Variants in CLIC5 observed in about 807,000 individuals in gnomAD.
CLIC5 encodes the protein chloride intracellular channel protein 5.
Under a neutral mutation model 24.7 loss-of-function variants are expected in CLIC5, and 20 were observed. That is an observed-to-expected ratio of 0.81 (90% confidence interval 0.57 to 1.18). The LOEUF (loss-of-function observed/expected upper bound fraction) is 1.18, where lower values mean the gene tolerates loss of function less well. Among genes scored for constraint, CLIC5 ranks in the 50% most tolerant of loss-of-function variants. CLIC5 has a pLI of 0.00. For synonymous variants in CLIC5, 159 were observed against 135.6 expected (o/e 1.17, Z -1.20); for missense variants, 341 against 326.1 (o/e 1.05, Z -0.35).
At chr6:46,041,009 A>G (rs542287133) in intron 1 of CLIC5, among the ~76,000 whole-genome samples, 8 of 152,354 alleles carry the variant, frequency 5.3e-5, no homozygotes, top group Non-Finnish European at 1.0e-4. Flanking sequence ...TGTTATTTAT[A>G]ACTGGGAACA....
chr6:45,904,828 T>G (rs1762613024), intron 5 of CLIC5, among the ~76,000 whole-genome samples: 1 of 151,022 alleles, frequency 6.6e-6, no homozygotes, highest in Admixed American at 6.6e-5. Flanking sequence ...GGGGTATGAT[T>G]GGTCCTGTCA....
At chr6:45,932,210 A>T (rs1324288650) in intron 4 of CLIC5, among the ~76,000 whole-genome samples, 1 of 152,192 alleles carries the variant, frequency 6.6e-6, no homozygotes, top group Non-Finnish European at 1.5e-5. Context: ...CCCTGGTTCA[A>T]GTAATTCTCC....
Position 45,955,172 on chromosome 6 carries a change from C to T in CLIC5, c.136G>A (p.Gly46Arg). Reference sequence around the variant, plus strand: ...ACAGTGGTGACATTGAACACGACTCCTTTCAGCCAGAGGATCATGAAGAGG... The same window carrying T: ...ACAGTGGTGACATTGAACACGACTCTTTTCAGCCAGAGGATCATGAAGAGG... ...QRLFMILWLKGVVFNVTTVDL... is the reference protein window; with the variant it reads ...QRLFMILWLKRVVFNVTTVDL... The change falls in exon 2 of 6, where the codon GGA (glycine) becomes AGA (arginine). Residue 46 changes from glycine (G) to arginine (R), a missense_variant. Transcript: ENST00000339561. The T allele has an allele frequency of 6.2e-7, 1 of 1,614,018 alleles. No individual in the cohort carries two copies. Among genetic ancestry groups the T allele is most frequent in the Non-Finnish European group, 8.5e-7 (1 of 1,179,896 alleles).
chr6:45,925,473 C>T (rs1240696627), intron 4 of CLIC5, among the ~76,000 whole-genome samples: 4 of 152,114 alleles, frequency 2.6e-5, no homozygotes, highest in African/African-American at 7.2e-5. Context: ...CGTGCCACCA[C>T]GCCTGGCTAA....
At chr6:46,094,406 A>G in the CLIC5 span, among the ~76,000 whole-genome samples, 1 of 152,198 alleles carries the variant, frequency 6.6e-6, no homozygotes, top group African/African-American at 2.4e-5. Context: ...CCTTCCACCT[A>G]TGAGCCTGTA....
rs9395136 is a variant in CLIC5, at chr6:45,928,756, C to G, written c.406+12791G>C. On this transcript the variant is annotated intron_variant, in intron 4 of 5. Coordinates refer to ENST00000339561, the MANE Select transcript of CLIC5 (RefSeq NM_016929.5). ...GTACATAAGAACATCAGAACACACACGAAGTGCATAAGTGTGTGTGTGTGT... is the reference window on the plus strand; with the variant it reads ...GTACATAAGAACATCAGAACACACAGGAAGTGCATAAGTGTGTGTGTGTGT... Among the ~76,000 whole-genome samples, 41 of 138,112 alleles carry G rather than the reference C, an allele frequency of 3.0e-4. No individual in the cohort carries two copies. In the East Asian group the frequency reaches 7.7e-3, roughly 26 times the overall value. 90.6% of individuals were successfully genotyped at this position (138,112 alleles called of 152,430 possible). A position where few individuals can be genotyped will look rare whatever the true frequency, so the allele number is the denominator to read the frequency against.
At chr6:45,895,208 C>T (rs1333714478), downstream of CLIC5, among the ~76,000 whole-genome samples, 1 of 152,130 alleles carries the variant, frequency 6.6e-6, no homozygotes, top group East Asian at 1.9e-4. Context: ...TTCGTTTAAA[C>T]CTTATTTAGT....
In CLIC5 at chr6:45,949,297, A is replaced by G; in HGVS notation, c.258T>C (p.Asn86=). The G allele has an allele frequency of 6.2e-7, 1 of 1,613,870 alleles. No individual in the cohort carries two copies. The highest frequency in any genetic ancestry group is 8.5e-7 in the Non-Finnish European group (1 of 1,179,856). Reference sequence around the variant, plus strand: ...TCTCCTCCAGGAACTCCTCGATCTTATTGACGTCTGTCTTCACGTCCCCGT... The same window carrying G: ...TCTCCTCCAGGAACTCCTCGATCTTGTTGACGTCTGTCTTCACGTCCCCGT... ...TFNGDVKTDV[N]KIEEFLEETL... is the part of the protein sequence containing the mutation. Residue 86 remains asparagine, a synonymous_variant, in exon 3 of 6, where the codon AAT becomes AAC. Transcript: ENST00000339561.
chr6:46,055,667 A>C (rs1228009894), intron 1 of CLIC5, among the ~76,000 whole-genome samples: 1 of 152,228 alleles, frequency 6.6e-6, no homozygotes, highest in African/African-American at 2.4e-5. Context: ...GTCTCCCATA[A>C]GCATCTTGCA....
At chr6:45,939,468 G>A (rs1460090311) in intron 4 of CLIC5, among the ~76,000 whole-genome samples, 1 of 151,988 alleles carries the variant, frequency 6.6e-6, no homozygotes, top group African/African-American at 2.4e-5. Flanking sequence ...CTGGGATGTA[G>A]TCAAGAGCCA....
At chr6:46,036,787 T>C (rs1767675204) in intron 1 of CLIC5, among the ~76,000 whole-genome samples, 1 of 152,224 alleles carries the variant, frequency 6.6e-6, no homozygotes, top group African/African-American at 2.4e-5. Flanking sequence ...GGGTTTGTAG[T>C]TTCCATACTT....
rs1366015148 is a variant in CLIC5 at position 45,949,312 on chromosome 6, C to T, written c.243G>A (p.Val81=). The change falls in exon 3 of 6, where the codon GTG becomes GTA. Residue 81 remains valine (V), a synonymous_variant. Coordinates refer to ENST00000339561, the MANE Select transcript of CLIC5 (RefSeq NM_016929.5). The part of the protein sequence containing the change: ...HPPFLTFNGD[V]KTDVNKIEEF... ...CCTCGATCTTATTGACGTCTGTCTT[C>T]ACGTCCCCGTTGAAGGTCAGGAAGG... 19 of 1,613,912 alleles carry T rather than the reference C, an allele frequency of 1.2e-5. No homozygotes were observed. Among genetic ancestry groups the T allele is most frequent in the Non-Finnish European group, 1.5e-5 (18 of 1,179,922 alleles).
chr6:46,016,599 A>G (rs929076475), upstream of CLIC5, among the ~76,000 whole-genome samples: 1 of 151,770 alleles, frequency 6.6e-6, no homozygotes, highest in African/African-American at 2.4e-5. Context: ...TGGTTGTTTT[A>G]GTGAAGTAGG....
rs375980313 is a variant in CLIC5 at position 46,015,311 on chromosome 6, C to T, written c.63+169G>A. 4.2e-3 allele frequency among the ~76,000 whole-genome samples: 642 copies of T among 152,330 alleles called. 9 individuals carry two copies. The highest frequency in any genetic ancestry group is 0.015 in the African/African-American group (604 of 41,578). On this transcript the variant is annotated intron_variant, in intron 1 of 5. Transcript: ENST00000339561. Reference sequence around the variant, plus strand: ...TGCCGGAACCTGCCTTCCTCCATTCCGCCCAGGAGCCTCGCAGCGGGGCGC... The same window carrying T: ...TGCCGGAACCTGCCTTCCTCCATTCTGCCCAGGAGCCTCGCAGCGGGGCGC...
chr6:46,007,576 G>T (rs1288859870), intron 1 of CLIC5, among the ~76,000 whole-genome samples: 1 of 152,098 alleles, frequency 6.6e-6, no homozygotes, highest in African/African-American at 2.4e-5. Flanking sequence ...TCTGCCTCAG[G>T]GCTCTCCTTA....
intron 1 of CLIC5, among the ~76,000 whole-genome samples, chr6:45,983,197 G>C (rs1765622703): frequency 6.6e-6 from 1 of 152,204 alleles, no homozygotes; most frequent in Admixed American, 6.5e-5. Context: ...GACCTCACCT[G>C]ATCTAAAGTT....
At chr6:45,990,830 G>T (rs1725742944) in intron 1 of CLIC5, among the ~76,000 whole-genome samples, 1 of 152,182 alleles carries the variant, frequency 6.6e-6, no homozygotes, top group African/African-American at 2.4e-5. Context: ...TTGTTTGATT[G>T]GTGTGATGTC....
At chr6:45,966,754 C>T (rs1186981743) in intron 1 of CLIC5, among the ~76,000 whole-genome samples, 5 of 152,224 alleles carry the variant, frequency 3.3e-5, no homozygotes, top group African/African-American at 1.2e-4. Context: ...CACCTTCCAT[C>T]CCTGCACAGG....
At chr6:46,121,497 T>C in the CLIC5 span, among the ~76,000 whole-genome samples, 20,223 of 152,128 alleles carry the variant, frequency 0.13, 1,811 homozygotes, top group South Asian at 0.32. Context: ...TTAAAGCCCA[T>C]TGATGCTAGG....
Sources: allele counts gnomAD v4.1 joint callset (sites outside exome capture counted in the v4.1 genomes callset), GRCh38; gene constraint gnomAD v4.1.1; transcripts MANE v1.5; gene names NCBI Gene and HGNC (gene_info 2026-07-23, HGNC 2026-07-21).